The following FREM2 variants were observed in gnomAD, a reference collection of about 807,000 sequenced individuals.
FREM2 encodes the protein FRAS1-related extracellular matrix protein 2.
In FREM2, 119 loss-of-function variants were observed where a neutral mutation model predicts 219.9. The observed-to-expected ratio is 0.54, with a 90% CI of 0.47 to 0.63. The LOEUF is 0.63. FREM2 is among the 30% of genes least tolerant of loss of function. FREM2 has a pLI of 0.00. For missense variants in FREM2, 4,030 were observed against 3,993.6 expected, an observed-to-expected ratio of 1.01 and a Z score of -0.25; for synonymous variants, 1,562 against 1,522.8, an observed-to-expected ratio of 1.03 and a Z score of -0.60.
chr13:38,722,604 C>G (rs1871327507), intron 2 of FREM2, among the ~76,000 whole-genome samples: 1 of 151,992 alleles, frequency 6.6e-6, no homozygotes, highest in Non-Finnish European at 1.5e-5. Flanking sequence ...GGGCCCCACC[C>G]CAGAGTGTCT....
chr13:38,824,842 G>A (rs1275584177), intron 6 of FREM2, among the ~76,000 whole-genome samples: 1 of 152,048 alleles, frequency 6.6e-6, no homozygotes, highest in African/African-American at 2.4e-5. Flanking sequence ...CCTGTAGGCT[G>A]GTGGTCTCTC....
At chr13:38,877,059 A>G in intron 20 of FREM2, 58 bp from the exon 21 acceptor site, 2 of 1,593,382 alleles carry the variant, frequency 1.3e-6, no homozygotes, top group Non-Finnish European at 8.6e-7. Context: ...TGTGAACAGT[A>G]TGTTTGTGCA....
rs760118015 is a variant in FREM2 at position 38,690,936 on chromosome 13, T to C, written c.3592T>C (p.Phe1198Leu). Residue 1198 changes from phenylalanine (F) to leucine (L), a missense_variant, in exon 1 of 24, where the codon TTT becomes CTT. Phe to Leu is a conservative substitution (Grantham distance 22). Around this residue, in one of 2 missense-constraint regions of FREM2, gnomAD observed 3,102 missense variants for 2,950.7 expected, o/e 1.05. Transcript: ENST00000280481. Reference protein sequence around the residue: ...DEQPEMFMREFMVMEGMSLVI... With the variant: ...DEQPEMFMRELMVMEGMSLVI... ...ACAGCCAGAGATGTTTATGAGAGAA[T>C]TTATGGTGATGGAAGGCATGAGTCT... 20 of 1,614,002 alleles carry C rather than the reference T, an allele frequency of 1.2e-5. No homozygotes were observed. The highest frequency in any genetic ancestry group is 3.3e-5 in the Admixed American group (2 of 60,012).
intron 18 of FREM2, 87 bp from the exon 19 acceptor site, chr13:38,875,935 G>A: frequency 2.5e-6 from 3 of 1,217,784 alleles, no homozygotes; most frequent in Non-Finnish European, 3.7e-6. Flanking sequence ...AATAATGTAT[G>A]ATCATTTATT....
At chr13:38,795,177 C>T (rs2137843058) in intron 6 of FREM2, among the ~76,000 whole-genome samples, 1 of 151,978 alleles carries the variant, frequency 6.6e-6, no homozygotes, top group Non-Finnish European at 1.5e-5. Context: ...AAAAATGGTC[C>T]AAAAACATAT....
intron 7 of FREM2, among the ~76,000 whole-genome samples, chr13:38,847,507 A>G (rs1877208710): frequency 6.6e-6 from 1 of 152,192 alleles, no homozygotes; most frequent in Non-Finnish European, 1.5e-5. Flanking sequence ...ACCTTTGTTT[A>G]ACTAAATTAA....
rs955235814 is a variant in FREM2 at position 38,690,041 on chromosome 13, A to C, written c.2697A>C (p.Arg899=). 6.2e-7 allele frequency: 1 copy of C among 1,613,924 alleles called. No individual in the cohort carries two copies. The highest frequency in any genetic ancestry group is 8.5e-7 in the Non-Finnish European group (1 of 1,180,016). Residue 899 remains arginine, a synonymous_variant, in exon 1 of 24, where the codon CGA becomes CGC. Transcript: ENST00000280481. ...LFHLEDIKQG[R]VSYAHNGDKS... ...ACTTGGAGGACATAAAACAGGGCCG[A>C]GTTTCCTATGCCCATAATGGGGACA...
intron 6 of FREM2, among the ~76,000 whole-genome samples, chr13:38,787,908 G>A (rs1303876181): frequency 6.6e-6 from 1 of 151,954 alleles, no homozygotes; most frequent in Admixed American, 6.6e-5. Context: ...GGCACAGGGA[G>A]GATGGGTCTC....
intron 10 of FREM2, 54 bp downstream of exon 10, chr13:38,851,162 C>A: frequency 6.3e-7 from 1 of 1,583,488 alleles, no homozygotes; most frequent in Non-Finnish European, 8.6e-7. Context: ...AAAATCCAGC[C>A]AAGTCAAGGT....
chr13:38,780,440 G>A (rs989315250), intron 4 of FREM2, among the ~76,000 whole-genome samples: 1 of 152,280 alleles, frequency 6.6e-6, no homozygotes, highest in African/African-American at 2.4e-5. Flanking sequence ...AAGCTTCTAT[G>A]ATCGCTTGCC....
intron 6 of FREM2, among the ~76,000 whole-genome samples, chr13:38,829,709 C>G (rs143363393): frequency 2.0e-5 from 3 of 150,292 alleles, no homozygotes; most frequent in African/African-American, 7.4e-5. Context: ...AGAGCCCATT[C>G]CTCTATGAAT....
intron 2 of FREM2, among the ~76,000 whole-genome samples, chr13:38,725,808 A>G (rs936260889): frequency 6.6e-6 from 1 of 152,186 alleles, no homozygotes; most frequent in African/African-American, 2.4e-5. Context: ...GATTGGATGA[A>G]TGGCAAGGCT....
chr13:38,778,150 C>T (rs1000209928), intron 4 of FREM2, among the ~76,000 whole-genome samples: 5 of 152,142 alleles, frequency 3.3e-5, no homozygotes, highest in Admixed American at 2.6e-4. Flanking sequence ...AAACCCTGGC[C>T]AGTATAGATT....
intron 6 of FREM2, among the ~76,000 whole-genome samples, chr13:38,800,780 C>T (rs1419927816): frequency 6.6e-6 from 1 of 152,174 alleles, no homozygotes; most frequent in Non-Finnish European, 1.5e-5. Flanking sequence ...GAGGTGCACA[C>T]CACCATGCCC....
At chr13:38,838,796 G>A (rs1876823791) in intron 6 of FREM2, among the ~76,000 whole-genome samples, 1 of 152,120 alleles carries the variant, frequency 6.6e-6, no homozygotes, top group South Asian at 2.1e-4. Flanking sequence ...CTCGTGCTGT[G>A]TTTTTCAGCT....
intron 2 of FREM2, among the ~76,000 whole-genome samples, chr13:38,739,258 A>C (rs1474822940): frequency 6.6e-6 from 1 of 152,234 alleles, no homozygotes; most frequent in Non-Finnish European, 1.5e-5. Flanking sequence ...GGAAAAAGAT[A>C]AAGGAAGACA....
intron 6 of FREM2, among the ~76,000 whole-genome samples, chr13:38,840,422 CTTT>C (rs66970622): frequency 2.0e-4 from 26 of 132,076 alleles, no homozygotes; most frequent in Admixed American, 2.3e-4. Context: ...GGGATTTCTC[CTTT>C]TTTTTTTTTT....
intron 6 of FREM2, among the ~76,000 whole-genome samples, chr13:38,789,006 G>A (rs192819497): frequency 3.2e-3 from 482 of 151,992 alleles, no homozygotes; most frequent in Middle Eastern, 0.017. Context: ...AAACTTACTT[G>A]TTCATGATGT....
At chr13:38,819,789 TTGGA>T (rs1875964543) in intron 6 of FREM2, among the ~76,000 whole-genome samples, 1 of 152,152 alleles carries the variant, frequency 6.6e-6, no homozygotes, top group African/African-American at 2.4e-5. Flanking sequence ...CTGTGAGTGG[TTGGA>T]TAACTTGCCC....
Sources: gnomAD v4.1 joint callset for allele counts (sites outside exome capture counted in the v4.1 genomes callset) on GRCh38, gnomAD v4.1.1 for gene constraint, gnomAD v4.1.1 regional missense constraint, MANE v1.5 for transcripts, NCBI Gene and HGNC (gene_info 2026-07-23, HGNC 2026-07-21) for gene names.